CSGALNACT1: variants seen among roughly 807,000 people sequenced by gnomAD.
The protein encoded by CSGALNACT1 is chondroitin sulfate N-acetylgalactosaminyltransferase 1.
In CSGALNACT1, 52 loss-of-function variants were observed where a neutral mutation model predicts 51.0. The observed-to-expected ratio is 1.02, with a 90% CI of 0.82 to 1.29. CSGALNACT1 has a LOEUF of 1.29. CSGALNACT1 is among the 50% of genes most tolerant of loss of function. CSGALNACT1 has a pLI of 0.00. For synonymous variants in CSGALNACT1, 341 were observed against 254.4 expected (o/e 1.34, Z -3.24); for missense variants, 935 against 679.2 (o/e 1.38, Z -4.19).
chr8:19,409,433 A>G (rs548155936), intron 8 of CSGALNACT1, among the ~76,000 whole-genome samples: 1 of 152,294 alleles, frequency 6.6e-6, no homozygotes, highest in African/African-American at 2.4e-5. Context: ...CTCTGCAAGT[A>G]AATTTCCAAT....
chr8:19,491,590 T>G (rs552663263), intron 4 of CSGALNACT1, among the ~76,000 whole-genome samples: 2 of 152,326 alleles, frequency 1.3e-5, no homozygotes, highest in South Asian at 2.1e-4. Context: ...AAGTAAACAG[T>G]TTTTTATTTG....
At chr8:19,407,413 C>A (rs904289334) in intron 9 of CSGALNACT1, among the ~76,000 whole-genome samples, 9 of 152,150 alleles carry the variant, frequency 5.9e-5, no homozygotes, top group Non-Finnish European at 1.2e-4. Context: ...CCTGAGGGCA[C>A]GGTCCCCCTG....
chr8:19,497,425 C>G (rs2075683079), intron 4 of CSGALNACT1, among the ~76,000 whole-genome samples: 1 of 152,106 alleles, frequency 6.6e-6, no homozygotes, highest in Non-Finnish European at 1.5e-5. Context: ...ACCTCAAACC[C>G]AGCCCCCTCC....
At position 19,739,684 on chromosome 8, in the gene CSGALNACT1, C is replaced by T. The variant is rs75488123; in HGVS notation, c.-297+18166G>A. 8.0e-3 allele frequency among the ~76,000 whole-genome samples: 1,214 copies of T among 152,228 alleles called. 14 individuals are homozygous for T. Among genetic ancestry groups the T allele is most frequent in the African/African-American group, 0.027 (1,125 of 41,520 alleles). On this transcript the variant is annotated intron_variant, in intron 1 of 1. Coordinates refer to the CSGALNACT1 transcript ENST00000517494. ...CCTTCCTTTCCTTCTATGCCTGGAA[C>T]GTGATGTGATGGCTGGAGCTTTAGC...
At chr8:19,666,936 AG>A in intron 1 of CSGALNACT1, among the ~76,000 whole-genome samples, 1 of 135,510 alleles carries the variant, frequency 7.4e-6, no homozygotes, top group African/African-American at 2.7e-5. Context: ...AGACAGAGAG[AG>A]AGAGAAAAAG....
At chr8:19,531,818 C>A (rs569859857) in intron 3 of CSGALNACT1, 1 of 152,402 alleles carries the variant, frequency 6.6e-6, no homozygotes, top group African/African-American at 2.4e-5. Context: ...GCTCTACTCA[C>A]TGTGATCCAG....
chr8:19,536,974 A>C (rs1415583996), intron 3 of CSGALNACT1, among the ~76,000 whole-genome samples: 1 of 152,158 alleles, frequency 6.6e-6, no homozygotes, highest in Non-Finnish European at 1.5e-5. Context: ...TGAGAATCAA[A>C]AATAAAATCC....
intron 1 of CSGALNACT1, among the ~76,000 whole-genome samples, chr8:19,649,938 C>T (rs1396366378): frequency 2.1e-5 from 3 of 143,906 alleles, no homozygotes; most frequent in South Asian, 4.6e-4. Flanking sequence ...TTCACCATAA[C>T]ATATGAAACC....
In CSGALNACT1 at chr8:19,554,159, G is replaced by GA. The variant is rs549957345; in HGVS notation, c.-297+37000dup. Among the ~76,000 whole-genome samples the GA allele has an allele frequency of 1.8e-3, 279 of 151,994 alleles. 2 individuals are homozygous for GA. The highest frequency in any genetic ancestry group is 6.4e-3 in the African/African-American group (265 of 41,460). On this transcript the variant is annotated intron_variant, in intron 3 of 9. Transcript: ENST00000454498. ...TACAGGGAAATTTCAGAACTCAAAA[G>GA]AAAAAAACAATATCCTAAAGGGTTC...
At chr8:19,546,867 G>A (rs778214683) in intron 3 of CSGALNACT1, among the ~76,000 whole-genome samples, 4 of 152,206 alleles carry the variant, frequency 2.6e-5, no homozygotes, top group Non-Finnish European at 5.9e-5. Context: ...CCCCGGATCA[G>A]TGTCACATAA....
intron 5 of CSGALNACT1, among the ~76,000 whole-genome samples, chr8:19,441,705 C>T (rs1323574291): frequency 6.6e-6 from 1 of 152,024 alleles, no homozygotes; most frequent in African/African-American, 2.4e-5. Context: ...CAACAAAAGC[C>T]AAAATTGACA....
intron 3 of CSGALNACT1, among the ~76,000 whole-genome samples, chr8:19,538,254 C>A (rs1045085963): frequency 6.6e-6 from 1 of 152,148 alleles, no homozygotes; most frequent in Non-Finnish European, 1.5e-5. Context: ...TTGCTTGAGC[C>A]TAGGAGTTGG....
chr8:19,474,041 T>C (rs1002484428), intron 4 of CSGALNACT1, among the ~76,000 whole-genome samples: 1 of 152,240 alleles, frequency 6.6e-6, no homozygotes, highest in Non-Finnish European at 1.5e-5. Context: ...AACTGGTACA[T>C]TGTAAGCCTT....
intron 3 of CSGALNACT1, among the ~76,000 whole-genome samples, chr8:19,580,316 G>C (rs541809009): frequency 6.6e-6 from 1 of 152,176 alleles, no homozygotes; most frequent in African/African-American, 2.4e-5. Flanking sequence ...TAAACAGAAA[G>C]CTTCTGCTAA....
At chr8:19,460,612 A>T (rs1179695740) in intron 4 of CSGALNACT1, among the ~76,000 whole-genome samples, 3 of 152,218 alleles carry the variant, frequency 2.0e-5, no homozygotes, top group African/African-American at 7.2e-5. Flanking sequence ...GAGAAATCTG[A>T]CAAGTGACAC....
At chr8:19,408,898 T>G (rs925115277) in intron 8 of CSGALNACT1, among the ~76,000 whole-genome samples, 1 of 151,104 alleles carries the variant, frequency 6.6e-6, no homozygotes, top group Non-Finnish European at 1.5e-5. Flanking sequence ...AAACAAGGTC[T>G]TGTGATTTTT....
At chr8:19,589,774 G>C (rs989191362) in intron 3 of CSGALNACT1, among the ~76,000 whole-genome samples, 1 of 152,166 alleles carries the variant, frequency 6.6e-6, no homozygotes, top group African/African-American at 2.4e-5. Flanking sequence ...TACAGTCCTG[G>C]TTTTGAGAAG....
At chr8:19,652,543 G>A (rs1177353048) in intron 1 of CSGALNACT1, among the ~76,000 whole-genome samples, 4 of 151,942 alleles carry the variant, frequency 2.6e-5, no homozygotes, top group African/African-American at 7.3e-5. Flanking sequence ...CATCCTCTCT[G>A]GTATTGTCAG....
At chr8:19,671,463 A>G (rs7016714) in intron 1 of CSGALNACT1, among the ~76,000 whole-genome samples, 135,690 of 152,184 alleles carry the variant, frequency 0.89, 60,849 homozygotes, top group African/African-American at 0.97. Flanking sequence ...TAAAGTTAAC[A>G]CCCACCAATA....
Sources: gnomAD v4.1 joint callset for allele counts (sites outside exome capture counted in the v4.1 genomes callset) on GRCh38, gnomAD v4.1.1 for gene constraint, MANE v1.5 for transcripts, NCBI Gene and HGNC (gene_info 2026-07-23, HGNC 2026-07-21) for gene names.